The following FHIT variants were observed in gnomAD, a reference collection of about 807,000 sequenced individuals.
The protein encoded by FHIT is bis(5'-adenosyl)-triphosphatase.
Under a neutral mutation model 17.9 loss-of-function variants are expected in FHIT, and 19 were observed. The ratio of observed to expected loss-of-function variants is 1.06; its 90% CI spans 0.74 to 1.56. The LOEUF (loss-of-function observed/expected upper bound fraction) is 1.56, where lower values mean the gene tolerates loss of function less well. FHIT is among the 40% of genes most tolerant of loss of function. The probability of loss-of-function intolerance (pLI) is 0.00; values close to 1 mark genes in which losing one functional copy is unlikely to be tolerated. For synonymous variants in FHIT, 81 were observed against 69.7 expected (o/e 1.16, Z -0.81); for missense variants, 248 against 189.2 (o/e 1.31, Z -1.82).
chr3:61,208,163 C>T (rs1396123376), intron 1 of FHIT, among the ~76,000 whole-genome samples: 2 of 152,120 alleles, frequency 1.3e-5, no homozygotes, highest in African/African-American at 4.8e-5. Flanking sequence ...AGTTTGATTG[C>T]ACTGTGGTCT....
chr3:60,457,760 A>C (rs6803162), intron 5 of FHIT, among the ~76,000 whole-genome samples: 28,701 of 147,908 alleles, frequency 0.19, 4,989 homozygotes, highest in African/African-American at 0.41. Flanking sequence ...ATCCCATCAA[A>C]AACTGGGCGA....
intron 8 of FHIT, among the ~76,000 whole-genome samples, chr3:59,901,966 G>T (rs143498469): frequency 6.6e-6 from 1 of 152,132 alleles, no homozygotes; most frequent in Non-Finnish European, 1.5e-5. Flanking sequence ...ATAAAAAGAA[G>T]TTTGTGAAGA....
At chr3:61,167,334 C>A (rs1362873082) in intron 2 of FHIT, among the ~76,000 whole-genome samples, 1 of 151,512 alleles carries the variant, frequency 6.6e-6, no homozygotes, top group African/African-American at 2.4e-5. Context: ...CTTGCATATA[C>A]AGACGTTAAA....
rs142535677 is a variant in FHIT, at chr3:61,150,363, A to G, written c.-164+50254T>C. ...CTTTTTTAAGAGATGGAGTCTCCCT[A>G]TATTGCCCAGGCTGGTCTGGTCTCC... On this transcript the variant is annotated intron_variant, in intron 2 of 9. Coordinates refer to ENST00000492590, the MANE Select transcript of FHIT (RefSeq NM_002012.4). Among the ~76,000 whole-genome samples the G allele has an allele frequency of 1.4e-3, 211 of 152,056 alleles. 1 individual carries two copies. The highest frequency in any genetic ancestry group is 4.9e-3 in the African/African-American group (204 of 41,458).
chr3:60,624,911 G>C lies in FHIT; in HGVS notation c.-17-87932C>G, dbSNP rs111476297. Among the ~76,000 whole-genome samples, 1,149 of 150,364 alleles carry C rather than the reference G, an allele frequency of 7.6e-3. 23 individuals are homozygous for C. Among genetic ancestry groups the C allele is most frequent in the African/African-American group, 0.028 (1,110 of 40,354 alleles). ...TTGTTTCTAGTTTTTTTTTTTGTTTGTTTGTTTGTTTGTTTTTGAGACAGT... is the reference window on the plus strand; with the variant it reads ...TTGTTTCTAGTTTTTTTTTTTGTTTCTTTGTTTGTTTGTTTTTGAGACAGT... On this transcript the variant is annotated intron_variant, in intron 4 of 9. Transcript: ENST00000492590.
At chr3:60,211,915 T>G (rs1478446643) in intron 5 of FHIT, among the ~76,000 whole-genome samples, 2 of 152,166 alleles carry the variant, frequency 1.3e-5, no homozygotes, top group Non-Finnish European at 2.9e-5. Flanking sequence ...GAGGCCAATA[T>G]ATACATATTA....
At chr3:60,195,553 A>ATATATATATATATATATATATATTTATT (rs148013554) in intron 5 of FHIT, among the ~76,000 whole-genome samples, 3 of 136,508 alleles carry the variant, frequency 2.2e-5, no homozygotes, top group African/African-American at 5.3e-5. Context: ...TGTGATATAT[A>ATATATATATATATATATATATATTTATT]TATATATTTA....
intron 5 of FHIT, among the ~76,000 whole-genome samples, chr3:60,473,842 G>A (rs2033211016): frequency 1.3e-5 from 2 of 151,992 alleles, no homozygotes; most frequent in Admixed American, 1.3e-4. Context: ...AGAATTACTT[G>A]AACCCGGGAG....
intron 4 of FHIT, among the ~76,000 whole-genome samples, chr3:60,777,466 A>T (rs1700246235): frequency 6.6e-6 from 1 of 152,246 alleles, no homozygotes; most frequent in Non-Finnish European, 1.5e-5. Flanking sequence ...AGGATTGTGG[A>T]GACCAAATTT....
chr3:60,134,334 T>A (rs1468195641), intron 5 of FHIT, among the ~76,000 whole-genome samples: 1 of 152,186 alleles, frequency 6.6e-6, no homozygotes, highest in Non-Finnish European at 1.5e-5. Flanking sequence ...TGGAAAAAGA[T>A]AATCCAATGG....
rs753809976 is a variant in FHIT at position 60,009,165 on chromosome 3, ATGTGTGTGTGTGTGTGTGTGTGTGTGTG to A, written c.279+2178_279+2205del. Among the ~76,000 whole-genome samples, 52 of 54,136 alleles carry A rather than the reference ATGTGTGTGTGTGTGTGTGTGTGTGTGTG, an allele frequency of 9.6e-4. 1 individual carries two copies. The South Asian group carries it at 0.028, about 29-fold the overall frequency. 35.5% of individuals were successfully genotyped at this position (54,136 alleles called of 152,430 possible). A position where few individuals can be genotyped will look rare whatever the true frequency, so the allele number is the denominator to read the frequency against. On this transcript the variant is annotated intron_variant, in intron 7 of 9. Transcript: ENST00000492590. Reference sequence around the variant, plus strand: ...AACCTTCATTGTTCTCTGGGATTTTATGTGTGTGTGTGTGTGTGTGTGTGTGTGTGTGTGTGTGTGTGTGTGTGTGTGT... The same window carrying A: ...AACCTTCATTGTTCTCTGGGATTTTATGTGTGTGTGTGTGTGTGTGTGTGT...
intron 8 of FHIT, among the ~76,000 whole-genome samples, chr3:59,838,148 C>A (rs1701404862): frequency 6.6e-6 from 1 of 152,140 alleles, no homozygotes; most frequent in African/African-American, 2.4e-5. Flanking sequence ...GCCTTCATAA[C>A]TAGCACAGGC....
At chr3:60,071,735 C>G (rs1233347049) in intron 5 of FHIT, among the ~76,000 whole-genome samples, 1 of 152,178 alleles carries the variant, frequency 6.6e-6, no homozygotes, top group African/African-American at 2.4e-5. Context: ...TGTCCCCACC[C>G]AAATCTCATC....
At chr3:59,866,758 T>C (rs904540834) in intron 8 of FHIT, among the ~76,000 whole-genome samples, 3 of 152,014 alleles carry the variant, frequency 2.0e-5, no homozygotes, top group African/African-American at 7.3e-5. Flanking sequence ...AATAGAATAA[T>C]TGCCACTTCT....
intron 7 of FHIT, among the ~76,000 whole-genome samples, chr3:59,957,311 G>C (rs1190125749): frequency 6.6e-6 from 1 of 152,258 alleles, no homozygotes; most frequent in Non-Finnish European, 1.5e-5. Context: ...CGAGAGAAAA[G>C]ATTGTGTGAA....
chr3:60,599,806 G>C (rs566198688), intron 4 of FHIT, among the ~76,000 whole-genome samples: 5 of 152,002 alleles, frequency 3.3e-5, no homozygotes, highest in African/African-American at 1.2e-4. Context: ...AACAGCTATC[G>C]TTCTTGCCCA....
intron 5 of FHIT, among the ~76,000 whole-genome samples, chr3:60,064,649 G>C (rs997793622): frequency 1.3e-5 from 2 of 152,158 alleles, no homozygotes; most frequent in African/African-American, 4.8e-5. Context: ...AAGTTTGCAT[G>C]TGCACATACA....
rs377572841 is a variant in FHIT at position 60,933,439 on chromosome 3, G to A, written c.-111+108608C>T. Among the ~76,000 whole-genome samples, 7 of 152,308 alleles carry A rather than the reference G, an allele frequency of 4.6e-5. No homozygotes were observed. The South Asian group carries it at 1.4e-3, about 32-fold the overall frequency. On this transcript the variant is annotated intron_variant, in intron 3 of 9. Transcript: ENST00000492590. ...ATTGAATTCTTCTTTTGCATATGAA[G>A]TCTTAGAACTCCGGTGTGTAGTTGA...
chr3:60,937,050 C>T (rs1708222495), intron 3 of FHIT, among the ~76,000 whole-genome samples: 2 of 152,096 alleles, frequency 1.3e-5, no homozygotes, highest in African/African-American at 4.8e-5. Context: ...AGATGTATAA[C>T]CTCAAATTCT....
Sources: allele counts gnomAD v4.1 joint callset (sites outside exome capture counted in the v4.1 genomes callset), GRCh38; gene constraint gnomAD v4.1.1; transcripts MANE v1.5; gene names NCBI Gene and HGNC (gene_info 2026-07-23, HGNC 2026-07-21).